Variants in DRC11 observed in about 807,000 individuals in gnomAD.
DRC11 encodes the protein dynein regulatory complex subunit 11.
chr2:236,314,769 A>T, the DRC11 span, among the ~76,000 whole-genome samples: 2 of 152,202 alleles, frequency 1.3e-5, no homozygotes, highest in Non-Finnish European at 2.9e-5. This position sits in a 1 kb window ranked among gnomAD's most constrained non-coding sequence, Gnocchi z 4.5. Context: ...ATCTACACAG[A>T]AAATTACAAA....
At chr2:236,497,144 A>G in the DRC11 span, 1 of 1,573,220 alleles carries the variant, frequency 6.4e-7, no homozygotes, top group South Asian at 1.2e-5. This position sits in a 1 kb window ranked among gnomAD's most constrained non-coding sequence, Gnocchi z 5.1. Context: ...AACTAATAAG[A>G]AAACAACAGA....
chr2:236,369,687 G>A, the DRC11 span, among the ~76,000 whole-genome samples: 1 of 152,198 alleles, frequency 6.6e-6, no homozygotes, highest in South Asian at 2.1e-4. This position sits in a 1 kb window ranked among gnomAD's most constrained non-coding sequence, Gnocchi z 4.5. Flanking sequence ...TTCTAACAGA[G>A]GCAAGGACAC....
chr2:236,502,405 C>T, the DRC11 span, among the ~76,000 whole-genome samples: 1 of 151,478 alleles, frequency 6.6e-6, no homozygotes, highest in African/African-American at 2.4e-5. Flanking sequence ...GGTGAAAACC[C>T]ACCTCTACTA....
chr2:236,372,025 G>A, the DRC11 span, among the ~76,000 whole-genome samples: 4 of 152,130 alleles, frequency 2.6e-5, no homozygotes, highest in African/African-American at 7.2e-5. This position sits in a 1 kb window ranked among gnomAD's most constrained non-coding sequence, Gnocchi z 4.5. Context: ...GTGGTCTTTC[G>A]TTATGTGGTT....
At chr2:236,493,802 A>G in the DRC11 span, 1 of 1,607,490 alleles carries the variant, frequency 6.2e-7, no homozygotes, top group Admixed American at 1.7e-5. Context: ...GTCCGCTAAT[A>G]TTTGAGCAAG....
At chr2:236,503,645 G>A in the DRC11 span, 10 of 1,550,852 alleles carry the variant, frequency 6.4e-6, no homozygotes, top group East Asian at 4.9e-5. This position sits in a 1 kb window ranked among gnomAD's most constrained non-coding sequence, Gnocchi z 4.9. Context: ...TTTCCTCAGC[G>A]CTGAGAGACG....
At chr2:236,337,601 G>A in the DRC11 span, among the ~76,000 whole-genome samples, 4 of 152,302 alleles carry the variant, frequency 2.6e-5, no homozygotes, top group Non-Finnish European at 5.9e-5. This position sits in a 1 kb window ranked among gnomAD's most constrained non-coding sequence, Gnocchi z 4.9. Context: ...TGAGCCAGGC[G>A]TCCTGAGAGC....
chr2:236,475,902 G>C, the DRC11 span, among the ~76,000 whole-genome samples: 43 of 152,170 alleles, frequency 2.8e-4, no homozygotes, highest in East Asian at 8.3e-3. The surrounding 1 kb of genome is among the most constrained non-coding windows in gnomAD (Gnocchi z 4.8). Context: ...TTTATTTCAG[G>C]GTTTTCAGTT....
the DRC11 span, among the ~76,000 whole-genome samples, chr2:236,381,641 T>A: frequency 2.0e-5 from 3 of 152,250 alleles, no homozygotes; most frequent in African/African-American, 7.2e-5. The surrounding 1 kb of genome is among the most constrained non-coding windows in gnomAD (Gnocchi z 5.8). Flanking sequence ...ACAGTCTACC[T>A]CTAGTTCCCA....
the DRC11 span, among the ~76,000 whole-genome samples, chr2:236,316,840 C>T: frequency 1.3e-5 from 2 of 152,158 alleles, no homozygotes; most frequent in Non-Finnish European, 2.9e-5. The surrounding 1 kb of genome is among the most constrained non-coding windows in gnomAD (Gnocchi z 6.8). Context: ...GCAGCCAACG[C>T]AGTAAACTTG....
At chr2:236,320,229 CG>C in the DRC11 span, among the ~76,000 whole-genome samples, 1 of 152,206 alleles carries the variant, frequency 6.6e-6, no homozygotes, top group South Asian at 2.1e-4. Context: ...GTTGCTGGGG[CG>C]GCTGCCAGCT....
chr2:236,481,268 G>A, the DRC11 span, among the ~76,000 whole-genome samples: 1 of 152,204 alleles, frequency 6.6e-6, no homozygotes, highest in Non-Finnish European at 1.5e-5. Context: ...GGTTGAGGCA[G>A]GGATAGTTCT....
chr2:236,361,444 A>G, the DRC11 span, among the ~76,000 whole-genome samples: 67 of 152,260 alleles, frequency 4.4e-4, no homozygotes, highest in Admixed American at 5.2e-4. The surrounding 1 kb of genome is among the most constrained non-coding windows in gnomAD (Gnocchi z 5.7). Context: ...ATTTTTTAAA[A>G]AGACAAATGA....
the DRC11 span, among the ~76,000 whole-genome samples, chr2:236,357,511 TA>T: frequency 2.4e-5 from 3 of 127,108 alleles, no homozygotes. Flanking sequence ...TTACATATTA[TA>T]AATATATTTA....
At chr2:236,432,291 T>C in the DRC11 span, among the ~76,000 whole-genome samples, 1 of 152,194 alleles carries the variant, frequency 6.6e-6, no homozygotes, top group African/African-American at 2.4e-5. Context: ...CTTATTGAGG[T>C]GTAAGAGTAC....
the DRC11 span, among the ~76,000 whole-genome samples, chr2:236,467,541 T>C: frequency 6.6e-6 from 1 of 152,244 alleles, no homozygotes. Context: ...TCTTATTTTA[T>C]ACTTGTGCCT....
the DRC11 span, chr2:236,343,830 A>C: frequency 2.0e-6 from 2 of 1,013,768 alleles, no homozygotes; most frequent in Non-Finnish European, 2.8e-6. This position sits in a 1 kb window ranked among gnomAD's most constrained non-coding sequence, Gnocchi z 6.6. Context: ...CAGGGCAATC[A>C]AGGCTCATTT....
the DRC11 span, among the ~76,000 whole-genome samples, chr2:236,354,101 CAAAG>C: frequency 5.3e-5 from 8 of 151,958 alleles, no homozygotes; most frequent in Non-Finnish European, 1.2e-4. Flanking sequence ...TGAGGCAAAG[CAAAG>C]AACTAGAGAG....
the DRC11 span, among the ~76,000 whole-genome samples, chr2:236,360,831 C>G: frequency 5.5e-3 from 835 of 152,200 alleles, 4 homozygotes; most frequent in Non-Finnish European, 9.3e-3. This position sits in a 1 kb window ranked among gnomAD's most constrained non-coding sequence, Gnocchi z 5.8. Flanking sequence ...TGCTTTGGAC[C>G]ACAGACGAAG....
Sources: allele counts gnomAD v4.1 joint callset (sites outside exome capture counted in the v4.1 genomes callset), GRCh38; gene constraint gnomAD v4.1.1; non-coding constraint Gnocchi (gnomAD v3.1); transcripts MANE v1.5; gene names NCBI Gene and HGNC (gene_info 2026-07-23, HGNC 2026-07-21).